Variants in DCC observed in about 807,000 individuals in gnomAD.
The protein encoded by DCC is DCC netrin 1 receptor, also known as netrin receptor DCC.
DCC carries 58 observed loss-of-function variants against 172.5 expected under a neutral mutation model. The ratio of observed to expected loss-of-function variants is 0.34; its 90% CI spans 0.27 to 0.42. The LOEUF (loss-of-function observed/expected upper bound fraction) is 0.42. DCC is among the 10% of genes least tolerant of loss of function. DCC has a pLI of 1.00. For synonymous variants in DCC, 709 were observed against 644.5 expected (o/e 1.10, Z -1.52); for missense variants, 1,740 against 1,791.0 (o/e 0.97, Z 0.51).
chr18:52,529,133 C>T (rs1041193082), intron 1 of DCC, among the ~76,000 whole-genome samples: 1 of 152,148 alleles, frequency 6.6e-6, no homozygotes, highest in Admixed American at 6.5e-5. Context: ...GAAAAGAAGA[C>T]ATGGTTTCCT....
chr18:53,341,798 G>A (rs1275234762), intron 15 of DCC, among the ~76,000 whole-genome samples: 2 of 152,070 alleles, frequency 1.3e-5, no homozygotes, highest in African/African-American at 2.4e-5. Flanking sequence ...TCAAGTCCAC[G>A]TTCATGCTGC....
At chr18:52,407,585 G>A (rs1598793387) in intron 1 of DCC, among the ~76,000 whole-genome samples, 1 of 151,566 alleles carries the variant, frequency 6.6e-6, no homozygotes, top group Non-Finnish European at 1.5e-5. Flanking sequence ...ATTTCAATTA[G>A]ATTGAAAAAA....
intron 12 of DCC, among the ~76,000 whole-genome samples, chr18:53,234,690 A>C (rs1285525745): frequency 6.6e-6 from 1 of 152,180 alleles, no homozygotes; most frequent in African/African-American, 2.4e-5. Context: ...TTTAGTGACA[A>C]ACCTGAAATC....
intron 21 of DCC, among the ~76,000 whole-genome samples, chr18:53,419,823 GC>G (rs1327559593): frequency 2.5e-5 from 3 of 117,694 alleles, no homozygotes; most frequent in Non-Finnish European, 4.3e-5. Flanking sequence ...CATTCCAAAA[GC>G]CTTTTTTTTT....
At position 52,990,540 on chromosome 18, in the gene DCC, C is replaced by CAA. The variant is rs60491222; in HGVS notation, c.985+65195_985+65196dup. On this transcript the variant is annotated intron_variant, in intron 5 of 28. Coordinates refer to ENST00000442544, the MANE Select transcript of DCC (RefSeq NM_005215.4). ...GGGCAACAAGAGCAAAACTCCATCC[C>CAA]AAAAAAAAAAAAAAAAAAAAAAAAA... Among the ~76,000 whole-genome samples, 9 of 3,666 alleles carry CAA rather than the reference C, an allele frequency of 2.5e-3. 2 individuals are homozygous for CAA. Among genetic ancestry groups the CAA allele is most frequent in the East Asian group, 0.01 (1 of 96 alleles). 2.4% of individuals were successfully genotyped at this position (3,666 alleles called of 152,430 possible).
At chr18:53,308,270 A>G (rs2057226143) in intron 13 of DCC, among the ~76,000 whole-genome samples, 1 of 152,030 alleles carries the variant, frequency 6.6e-6, no homozygotes, top group Non-Finnish European at 1.5e-5. Flanking sequence ...TATTTAAAAC[A>G]TAGTAAGCAA....
intron 1 of DCC, among the ~76,000 whole-genome samples, chr18:52,527,870 G>A (rs909947394): frequency 2.0e-5 from 3 of 152,164 alleles, no homozygotes; most frequent in African/African-American, 7.2e-5. Context: ...CTCTGGGGAG[G>A]GAGAGCAACT....
intron 2 of DCC, among the ~76,000 whole-genome samples, chr18:52,783,321 C>CTGTT (rs1568100450): frequency 8.0e-5 from 5 of 62,122 alleles, no homozygotes; most frequent in African/African-American, 3.2e-4. Context: ...TATACTACTA[C>CTGTT]TCTTTTTTTT....
intron 1 of DCC, among the ~76,000 whole-genome samples, chr18:52,545,687 T>A (rs935809124): frequency 6.6e-6 from 1 of 152,134 alleles, no homozygotes; most frequent in African/African-American, 2.4e-5. Flanking sequence ...AAGAAGGGAA[T>A]TTTTCTTAGT....
intron 12 of DCC, among the ~76,000 whole-genome samples, chr18:53,291,269 T>C (rs1478605369): frequency 6.6e-6 from 1 of 152,214 alleles, no homozygotes; most frequent in East Asian, 1.9e-4. Flanking sequence ...TAATATTTCA[T>C]TTTGTAAGAG....
At chr18:52,916,147 A>G (rs2040035967) in intron 3 of DCC, among the ~76,000 whole-genome samples, 1 of 152,064 alleles carries the variant, frequency 6.6e-6, no homozygotes, top group Non-Finnish European at 1.5e-5. Flanking sequence ...AAATAAAAGT[A>G]TAATGGGTTT....
chr18:53,329,315 AT>A (rs1480522614), intron 14 of DCC, among the ~76,000 whole-genome samples: 3 of 152,048 alleles, frequency 2.0e-5, no homozygotes, highest in Non-Finnish European at 4.4e-5. Context: ...AATTCATAAC[AT>A]TTTATTACAA....
chr18:52,989,853 G>A (rs1157662525), intron 5 of DCC, among the ~76,000 whole-genome samples: 1 of 152,088 alleles, frequency 6.6e-6, no homozygotes, highest in Non-Finnish European at 1.5e-5. Flanking sequence ...AGCCATGTAG[G>A]GACCAGAGAT....
At chr18:53,344,433 C>T (rs1265761388) in intron 15 of DCC, among the ~76,000 whole-genome samples, 9 of 133,370 alleles carry the variant, frequency 6.7e-5, no homozygotes, top group South Asian at 2.5e-4. Context: ...TCTTTCTTTT[C>T]GTTTTTCTTT....
intron 5 of DCC, among the ~76,000 whole-genome samples, chr18:53,017,058 G>GA (rs1555696543): frequency 7.0e-6 from 1 of 143,594 alleles, no homozygotes; most frequent in African/African-American, 2.6e-5. Context: ...ATCATGGTAT[G>GA]TTTTTTTTTT....
Position 53,466,961 on chromosome 18 carries a change from G to C in DCC, c.3620-933G>C, listed in dbSNP as rs371915807. On this transcript the variant is annotated intron_variant, in intron 24 of 28. Coordinates refer to ENST00000442544, the MANE Select transcript of DCC (RefSeq NM_005215.4). ...GTATAATTTTTTATTTTAAATTGTA[G>C]TAATTATGCTGTTAATTTTTTAAAA... 3.3e-5 allele frequency among the ~76,000 whole-genome samples: 5 copies of C among 152,064 alleles called. No individual in the cohort carries two copies. In the East Asian group the frequency reaches 5.8e-4, roughly 18 times the overall value.
At chr18:52,797,266 TG>T (rs1484928925) in intron 2 of DCC, among the ~76,000 whole-genome samples, 3 of 152,316 alleles carry the variant, frequency 2.0e-5, no homozygotes, top group African/African-American at 7.2e-5. Context: ...GTTCCTGTTT[TG>T]GGGATCTGTT....
chr18:53,009,983 C>T (rs961431610), intron 5 of DCC, among the ~76,000 whole-genome samples: 6 of 151,922 alleles, frequency 3.9e-5, no homozygotes, highest in African/African-American at 1.4e-4. Flanking sequence ...ATGCATGTGA[C>T]AGATGTTTTT....
chr18:53,512,179 AGGCACCCCCCAGCAGGAGCACACT>A (rs1162926625), intron 27 of DCC, among the ~76,000 whole-genome samples: 1 of 147,620 alleles, frequency 6.8e-6, no homozygotes, highest in Non-Finnish European at 1.5e-5. Context: ...CCTAACTGGG[AGGCACCCCCCAGCAGGAGCACACT>A]GACACCTCAC....
Sources: allele counts gnomAD v4.1 joint callset (sites outside exome capture counted in the v4.1 genomes callset), GRCh38; gene constraint gnomAD v4.1.1; transcripts MANE v1.5; gene names NCBI Gene and HGNC (gene_info 2026-07-23, HGNC 2026-07-21).